PHLDB2: variants seen among roughly 807,000 people sequenced by gnomAD.
PHLDB2 encodes pleckstrin homology-like domain family B member 2.
In PHLDB2, 71 loss-of-function variants were observed where a neutral mutation model predicts 123.6. The observed-to-expected ratio is 0.57, with a 90% CI of 0.47 to 0.70. PHLDB2 has a LOEUF of 0.70. Ranked by LOEUF, PHLDB2 falls within the 30% of genes least tolerant of loss-of-function variation. PHLDB2 has a pLI of 0.00. For missense variants in PHLDB2, 1,446 were observed against 1,519.5 expected (o/e 0.95, Z 0.80); for synonymous variants, 547 against 541.6 (o/e 1.01, Z -0.14).
intron 1 of PHLDB2, among the ~76,000 whole-genome samples, chr3:111,821,201 T>C (rs1366232840): frequency 6.6e-6 from 1 of 152,216 alleles, no homozygotes; most frequent in Non-Finnish European, 1.5e-5. Context: ...CCCACTGCCA[T>C]GATAGATTTT....
rs1212741582 is a variant in PHLDB2, at chr3:111,932,251, C to G, written c.2002-18C>G. On this transcript the variant is annotated intron_variant, in intron 5 of 17. Coordinates refer to ENST00000431670, the MANE Select transcript of PHLDB2 (RefSeq NM_001134438.2). ...GTGAAGGTAATTTCTATTCTATTTTCTGGTTTCTGAACTTCAGGAGAAGGT... is the reference window on the plus strand; with the variant it reads ...GTGAAGGTAATTTCTATTCTATTTTGTGGTTTCTGAACTTCAGGAGAAGGT... The G allele has an allele frequency of 1.3e-6, 2 of 1,548,852 alleles. No homozygotes were observed. The highest frequency in any genetic ancestry group is 1.7e-6 in the Non-Finnish European group (2 of 1,145,800).
chr3:111,859,829 T>C lies in PHLDB2; in HGVS notation c.-15+253T>C, dbSNP rs2064719729. 13 of 985,754 alleles carry C rather than the reference T, an allele frequency of 1.3e-5. No homozygotes were observed. The South Asian group carries it at 1.9e-4, about 14-fold the overall frequency. The allele number at this position is 985,754 out of a possible 1,614,324, so 61.1% of individuals were successfully genotyped here. A position where few individuals can be genotyped will look rare whatever the true frequency, so the allele number is the denominator to read the frequency against. ...GTGGGCGGGGGCAAAGGCTAGGCGC[T>C]AGGGCGGCGGCGCCAGCGTAGAGCG... On this transcript the variant is annotated intron_variant, in intron 1 of 17. Transcript: ENST00000431670.
chr3:111,976,064 C>T lies in PHLDB2; in HGVS notation c.*1501C>T, dbSNP rs1422467721. The T allele has an allele frequency of 6.6e-6, 1 of 152,550 alleles. No individual in the cohort carries two copies. The highest frequency in any genetic ancestry group is 2.4e-5 in the African/African-American group (1 of 41,416). 9.4% of individuals were successfully genotyped at this position (152,550 alleles called of 1,614,324 possible). ...GATTTTGCAGCGATCACTTTTAAAC[C>T]CTGTAGTGATGTAAGACTAAAATAT... On this transcript the variant is annotated 3_prime_UTR_variant, in exon 18 of 18. Coordinates refer to ENST00000431670, the MANE Select transcript of PHLDB2 (RefSeq NM_001134438.2).
intron 1 of PHLDB2, among the ~76,000 whole-genome samples, chr3:111,817,080 G>A (rs1559846919): frequency 2.0e-5 from 3 of 152,296 alleles, no homozygotes; most frequent in East Asian, 1.9e-4. Context: ...CCCCAGCCAT[G>A]TGGAACTGTA....
At chr3:111,767,437 CT>C (rs960773191) in intron 1 of PHLDB2, among the ~76,000 whole-genome samples, 1 of 152,182 alleles carries the variant, frequency 6.6e-6, no homozygotes, top group African/African-American at 2.4e-5. Context: ...AATCAAATAT[CT>C]GATGACATAA....
At chr3:111,919,050 T>C (rs2068346974) in intron 3 of PHLDB2, 22 bp from the exon 4 acceptor site, 1 of 1,611,828 alleles carries the variant, frequency 6.2e-7, no homozygotes, top group African/African-American at 1.3e-5. Flanking sequence ...GAATAATCCA[T>C]TTCTGTGTTG....
At chr3:111,931,164 A>G (rs2069128559) in intron 5 of PHLDB2, among the ~76,000 whole-genome samples, 2 of 152,208 alleles carry the variant, frequency 1.3e-5, no homozygotes, top group African/African-American at 4.8e-5. Flanking sequence ...TATAAAAGGA[A>G]TATAAGGAAG....
Position 111,945,153 on chromosome 3 carries a change from T to C in PHLDB2, c.2398-115T>C, listed in dbSNP as rs972148478. The C allele has an allele frequency of 6.5e-5, 47 of 725,070 alleles. No homozygotes were observed. In the East Asian group the frequency reaches 1.2e-3, roughly 19 times the overall value. The allele number at this position is 725,070 out of a possible 1,614,324, so 44.9% of individuals were successfully genotyped here. ...TTTGACTGAGTATGATGAGAGGAAA[T>C]AGAAATGGGGGAAATATGTGAGAAT... On this transcript the variant is annotated intron_variant, in intron 8 of 17. Transcript: ENST00000431670.
chr3:111,773,664 G>A (rs2060217702), intron 1 of PHLDB2, among the ~76,000 whole-genome samples: 1 of 152,184 alleles, frequency 6.6e-6, no homozygotes, highest in Admixed American at 6.6e-5. Context: ...CAGAGTGCCT[G>A]TATGAGTAGG....
At chr3:111,891,139 T>C (rs1209552822) in intron 2 of PHLDB2, among the ~76,000 whole-genome samples, 2 of 152,142 alleles carry the variant, frequency 1.3e-5, no homozygotes, top group Non-Finnish European at 2.9e-5. Flanking sequence ...GGATAAGGTG[T>C]TGCTAGAGGG....
intron 2 of PHLDB2, among the ~76,000 whole-genome samples, chr3:111,900,488 G>A (rs2067132189): frequency 2.0e-5 from 3 of 152,186 alleles, no homozygotes; most frequent in Admixed American, 2.0e-4. Context: ...GGCCTGAAGA[G>A]AGGGAGAGAG....
intron 13 of PHLDB2, among the ~76,000 whole-genome samples, chr3:111,964,115 C>T (rs1302170546): frequency 6.6e-6 from 1 of 152,134 alleles, no homozygotes. Flanking sequence ...ACATTAAATA[C>T]TATTAGTAGT....
chr3:111,900,238 T>C (rs1479701063), intron 2 of PHLDB2, among the ~76,000 whole-genome samples: 4 of 152,254 alleles, frequency 2.6e-5, no homozygotes, highest in Non-Finnish European at 5.9e-5. Context: ...CATTTGTGCG[T>C]GAAGAATCAC....
intron 16 of PHLDB2, among the ~76,000 whole-genome samples, chr3:111,972,423 G>T (rs1054383127): frequency 6.6e-6 from 1 of 152,010 alleles, no homozygotes; most frequent in South Asian, 2.1e-4. Context: ...TTTTAGACTA[G>T]CTTTTTGTAG....
intron 12 of PHLDB2, among the ~76,000 whole-genome samples, chr3:111,960,629 C>T (rs1023394504): frequency 6.6e-6 from 1 of 152,186 alleles, no homozygotes; most frequent in Non-Finnish European, 1.5e-5. Flanking sequence ...TTGAGAATTA[C>T]TTCTCTTCTT....
At chr3:111,973,261 A>G (rs1306832489) in intron 16 of PHLDB2, among the ~76,000 whole-genome samples, 1 of 152,240 alleles carries the variant, frequency 6.6e-6, no homozygotes, top group Non-Finnish European at 1.5e-5. Context: ...CGCACCCTGA[A>G]TAAGAAATTT....
At chr3:111,867,008 A>T (rs1359598799) in intron 1 of PHLDB2, among the ~76,000 whole-genome samples, 1 of 149,782 alleles carries the variant, frequency 6.7e-6, no homozygotes, top group African/African-American at 2.5e-5. Flanking sequence ...AATTCTTGAT[A>T]TGGAGGGTTT....
At chr3:111,868,422 A>C (rs1267194233) in intron 1 of PHLDB2, among the ~76,000 whole-genome samples, 5 of 152,056 alleles carry the variant, frequency 3.3e-5, no homozygotes, top group Non-Finnish European at 7.3e-5. Flanking sequence ...TTAATCGAGA[A>C]TACTTCTCTC....
chr3:111,787,974 GA>G (rs1318723075), intron 1 of PHLDB2, among the ~76,000 whole-genome samples: 1 of 152,140 alleles, frequency 6.6e-6, no homozygotes, highest in Non-Finnish European at 1.5e-5. Flanking sequence ...TAGAGGGTAA[GA>G]AATCCTCCAG....
Sources: gnomAD v4.1 joint callset for allele counts (sites outside exome capture counted in the v4.1 genomes callset) on GRCh38, gnomAD v4.1.1 for gene constraint, MANE v1.5 for transcripts, NCBI Gene and HGNC (gene_info 2026-07-23, HGNC 2026-07-21) for gene names.